The following OCRL variants were observed in gnomAD, a reference collection of about 807,000 sequenced individuals.
The protein encoded by OCRL is inositol polyphosphate 5-phosphatase OCRL.
In OCRL, 8 loss-of-function variants were observed where a neutral mutation model predicts 78.9. That is an observed-to-expected ratio of 0.10 (90% CI 0.06 to 0.18). The LOEUF is 0.18. Among genes scored for constraint, OCRL ranks in the 10% least tolerant of loss-of-function variants. The probability of loss-of-function intolerance (pLI) is 1.00; values close to 1 mark genes in which losing one functional copy is unlikely to be tolerated. For synonymous variants in OCRL, 240 were observed against 235.4 expected (o/e 1.02, Z -0.18); for missense variants, 454 against 696.7 (o/e 0.65, Z 3.92).
At chrX:129,570,697 G>A (rs1269537237) in intron 15 of OCRL, among the ~76,000 whole-genome samples, 1 of 112,370 alleles carries the variant, frequency 8.9e-6, no homozygotes, top group East Asian at 2.8e-4. Flanking sequence ...TGGCTGTGTG[G>A]CAGGGACTAT....
chrX:129,542,090 C>T (rs1477935072), intron 2 of OCRL, among the ~76,000 whole-genome samples: 3 of 112,113 alleles, frequency 2.7e-5, no homozygotes, highest in Non-Finnish European at 5.6e-5. Context: ...CTTGGGCAAA[C>T]CAGTAAAACT....
At position 129,591,733 on chromosome X, in the gene OCRL, T is replaced by TG. The variant is rs72039883; in HGVS notation, c.*1470dup. On this transcript the variant is annotated 3_prime_UTR_variant, in exon 24 of 24. Coordinates refer to ENST00000371113, the MANE Select transcript of OCRL (RefSeq NM_000276.4). ...GATTTCTCCTGTTTCTTGGTGGGGG[T>TG]GGGGGGGAAGGTACGTATTCTGCAA... is the stretch of plus-strand genomic sequence containing the variant. 3 of 110,887 alleles carry TG rather than the reference T, an allele frequency of 2.7e-5. No homozygotes were observed. 9.1% of individuals were successfully genotyped at this position (110,887 alleles called of 1,213,427 possible).
rs748420513 is a variant in OCRL, at chrX:129,575,922, G to A, written c.1739G>A (p.Arg580Gln). Reference protein sequence around the residue: ...REFVFENVKFRQLQKEKFQIS... With the variant: ...REFVFENVKFQQLQKEKFQIS... ...TTTGTGTTTGAAAATGTGAAGTTTC[G>A]GCAACTACAAAAGGAGAAGTTCCAG... The change falls in exon 17 of 24, where the codon CGG becomes CAG. Residue 580 changes from arginine (R) to glutamine (Q), a missense_variant. This residue lies in a region of OCRL where 277 missense variants were observed against 517.1 expected (regional missense o/e 0.54). Coordinates refer to ENST00000371113, the MANE Select transcript of OCRL (RefSeq NM_000276.4). 25 of 1,210,147 alleles carry A rather than the reference G, an allele frequency of 2.1e-5. No homozygotes were observed. Among genetic ancestry groups the A allele is most frequent in the East Asian group, 3.0e-5 (1 of 33,793 alleles).
At position 129,592,433 on chromosome X, in the gene OCRL, A is replaced by G. The variant is rs774617260; in HGVS notation, c.*2163A>G. 4 of 112,785 alleles carry G rather than the reference A, an allele frequency of 3.5e-5. No individual in the cohort carries two copies. The South Asian group carries it at 1.5e-3, about 41-fold the overall frequency. 9.3% of individuals were successfully genotyped at this position (112,785 alleles called of 1,213,427 possible). On this transcript the variant is annotated 3_prime_UTR_variant, in exon 24 of 24. Coordinates refer to ENST00000371113, the MANE Select transcript of OCRL (RefSeq NM_000276.4). ...TTTTCTTATTCTGTAATTGTTTGTTATATTTCCCAAAAACGTCTTGATCAC... is the reference window on the plus strand; with the variant it reads ...TTTTCTTATTCTGTAATTGTTTGTTGTATTTCCCAAAAACGTCTTGATCAC...
rs758244701 is a variant in OCRL, at chrX:129,553,520, G to C, written c.239-3805G>C. On this transcript the variant is annotated intron_variant, in intron 4 of 23. Transcript: ENST00000371113. ...TGGAGGAGCTAGTGAAAGGGAAAGC[G>C]TTAAGGATATGGGGGTGTGTCTAGG... is the stretch of plus-strand genomic sequence containing the variant. 8.0e-5 allele frequency among the ~76,000 whole-genome samples: 9 copies of C among 111,999 alleles called. No individual in the cohort carries two copies. The South Asian group carries it at 3.4e-3, about 42-fold the overall frequency.
At chrX:129,548,444 T>G in intron 3 of OCRL, 119 bp from the exon 4 acceptor site, 2 of 588,544 alleles carry the variant, frequency 3.4e-6, no homozygotes, top group Non-Finnish European at 5.9e-6. Context: ...AAAAAATATG[T>G]TCTAAGACCT....
intron 14 of OCRL, 135 bp from the exon 15 acceptor site, chrX:129,569,129 G>C (rs1382735545): frequency 4.2e-6 from 3 of 713,851 alleles, no homozygotes; most frequent in East Asian, 6.7e-5. Flanking sequence ...GATGACAGGG[G>C]TTGTTAGGGA....
chrX:129,551,791 A>G (rs1935963534), intron 4 of OCRL, among the ~76,000 whole-genome samples: 1 of 112,523 alleles, frequency 8.9e-6, no homozygotes, highest in African/African-American at 3.2e-5. Context: ...GTTTATGAGA[A>G]GAGTAAGTAT....
rs779664553 is a variant in OCRL at position 129,585,573 on chromosome X, G to A, written c.2139+1206G>A. On this transcript the variant is annotated intron_variant, in intron 19 of 23. Coordinates refer to ENST00000371113, the MANE Select transcript of OCRL (RefSeq NM_000276.4). The stretch of plus-strand genomic sequence containing the variant: ...GTTTTGTCTCAAATACCATGTGGAT[G>A]CTTGGATTTGATATTTGTAACTGGA... Among the ~76,000 whole-genome samples the A allele has an allele frequency of 7.9e-4, 89 of 112,210 alleles. 1 individual carries two copies. Among genetic ancestry groups the A allele is most frequent in the Non-Finnish European group, 1.9e-4 (10 of 53,280 alleles).
At chrX:129,558,790 G>A (rs748764496) in intron 7 of OCRL, 37 bp downstream of exon 7, 1 of 1,211,423 alleles carries the variant, frequency 8.3e-7, no homozygotes, top group Non-Finnish European at 1.1e-6. Flanking sequence ...CCTTGTAGGA[G>A]AATTATAGTT....
chrX:129,548,556 C>G lies in OCRL; in HGVS notation c.200-7C>G. On this transcript the variant is annotated splice_polypyrimidine_tract_variant and splice_region_variant and intron_variant, in intron 3 of 23. Transcript: ENST00000371113. The stretch of plus-strand genomic sequence containing the variant: ...CTAATCCTACTCTCTTTTTTTTCCC[C>G]TCTCAGAAGCAGAAGAAACTCTTTT... 8.3e-7 allele frequency: 1 copy of G among 1,198,346 alleles called. No individual in the cohort carries two copies.
At chrX:129,547,305 C>T (rs1455364613) in intron 3 of OCRL, among the ~76,000 whole-genome samples, 2 of 110,012 alleles carry the variant, frequency 1.8e-5, no homozygotes, top group Non-Finnish European at 3.8e-5. Context: ...GTGGGCAGAT[C>T]ACAAGGTCAG....
chrX:129,544,608 G>A (rs1487797272), intron 2 of OCRL, among the ~76,000 whole-genome samples: 1 of 112,210 alleles, frequency 8.9e-6, no homozygotes, highest in East Asian at 2.8e-4. Context: ...ATTCCGTGGT[G>A]TAAAGATAGC....
intron 18 of OCRL, among the ~76,000 whole-genome samples, chrX:129,579,594 T>A (rs951867423): frequency 8.9e-6 from 1 of 112,168 alleles, no homozygotes; most frequent in African/African-American, 3.2e-5. Context: ...CCAGCCCTTT[T>A]CATAATAGTG....
Position 129,564,542 on chromosome X carries a change from T to TA in OCRL, c.1245-1224dup. Among the ~76,000 whole-genome samples the TA allele has an allele frequency of 2.7e-5, 3 of 111,038 alleles. No individual in the cohort carries two copies. The Middle Eastern group carries it at 0.014, about 514-fold the overall frequency. On this transcript the variant is annotated intron_variant, in intron 12 of 23. Coordinates refer to ENST00000371113, the MANE Select transcript of OCRL (RefSeq NM_000276.4). ...TACACCATGGAATACTATGCAGCCATAAAAAATGATGAGCTCATGTCCTTT... is the reference window on the plus strand; with the variant it reads ...TACACCATGGAATACTATGCAGCCATAAAAAAATGATGAGCTCATGTCCTTT...
At chrX:129,573,834 A>G (rs1936334511) in intron 15 of OCRL, among the ~76,000 whole-genome samples, 1 of 112,056 alleles carries the variant, frequency 8.9e-6, no homozygotes, top group African/African-American at 3.2e-5. Flanking sequence ...TGCTAGGATT[A>G]CAGGTGTGAG....
chrX:129,588,754 C>T (rs1936548367), intron 21 of OCRL, 132 bp from the exon 22 acceptor site: 1 of 765,790 alleles, frequency 1.3e-6, no homozygotes, highest in African/African-American at 2.1e-5. Flanking sequence ...AATATCAAAC[C>T]CCCATTAGGA....
At chrX:129,580,618 A>C (rs1347132104) in intron 18 of OCRL, among the ~76,000 whole-genome samples, 1 of 112,214 alleles carries the variant, frequency 8.9e-6, no homozygotes, top group African/African-American at 3.2e-5. Flanking sequence ...AGATGAAAAA[A>C]GTTGAGGGAT....
At chrX:129,586,945 T>C in intron 19 of OCRL, 57 bp from the exon 20 acceptor site, 2 of 768,926 alleles carry the variant, frequency 2.6e-6, no homozygotes, top group Non-Finnish European at 4.1e-6. Flanking sequence ...CTTTAAGTTA[T>C]ACACCAAAGT....
Sources: gnomAD v4.1 joint callset for allele counts (sites outside exome capture counted in the v4.1 genomes callset) on GRCh38, gnomAD v4.1.1 for gene constraint, gnomAD v4.1.1 regional missense constraint, MANE v1.5 for transcripts, NCBI Gene and HGNC (gene_info 2026-07-23, HGNC 2026-07-21) for gene names.